Variants in FGD5 observed in about 807,000 individuals in gnomAD.
FGD5 encodes FYVE, RhoGEF and PH domain containing 5, also known as FYVE, RhoGEF and PH domain-containing protein 5.
FGD5 carries 28 observed loss-of-function variants against 133.4 expected under a neutral mutation model. The observed-to-expected ratio is 0.21, with a 90% CI of 0.16 to 0.29. The LOEUF (loss-of-function observed/expected upper bound fraction) is 0.29. FGD5 is among the 10% of genes least tolerant of loss of function. The pLI is 1.00. For missense variants in FGD5, 1,858 were observed against 1,895.2 expected (o/e 0.98, Z 0.36); for synonymous variants, 810 against 776.5 (o/e 1.04, Z -0.72).
chr3:14,812,193 C>G (rs2036306109), intron 1 of FGD5, among the ~76,000 whole-genome samples: 1 of 152,142 alleles, frequency 6.6e-6, no homozygotes, highest in South Asian at 2.1e-4. Flanking sequence ...CATACAGGCC[C>G]CTGGACAGTT....
chr3:14,850,112 G>A (rs1435811112), intron 1 of FGD5, among the ~76,000 whole-genome samples: 1 of 152,200 alleles, frequency 6.6e-6, no homozygotes, highest in Admixed American at 6.5e-5. Flanking sequence ...TGACTCCCCG[G>A]CCCTTCCTGC....
At chr3:14,881,642 C>G (rs1440398323) in intron 4 of FGD5, among the ~76,000 whole-genome samples, 1 of 152,248 alleles carries the variant, frequency 6.6e-6, no homozygotes, top group East Asian at 1.9e-4. Context: ...CATTTGCACT[C>G]TTGCCATGGT....
chr3:14,918,788 C>T lies in FGD5; in HGVS notation c.3524C>T (p.Ala1175Val). 1 of 1,614,016 alleles carries T rather than the reference C, an allele frequency of 6.2e-7. No individual in the cohort carries two copies. The highest frequency in any genetic ancestry group is 8.5e-7 in the Non-Finnish European group (1 of 1,179,906). Residue 1175 changes from alanine to valine, a missense_variant, in exon 13 of 20, where the codon GCT becomes GTT. This residue lies in a region of FGD5 where 1,824 missense variants were observed against 1,848.9 expected (regional missense o/e 0.99). Coordinates refer to ENST00000285046, the MANE Select transcript of FGD5 (RefSeq NM_152536.4). ...CCTGTGATGGAGAAAGTGCCCTACG[C>T]TCTAAAGATTGAGACTTCCGAGTCC... ...SRPVMEKVPY[A>V]LKIETSESCL...
At chr3:14,881,304 G>C (rs753818161) in intron 4 of FGD5, among the ~76,000 whole-genome samples, 3 of 53,296 alleles carry the variant, frequency 5.6e-5, no homozygotes, top group Non-Finnish European at 1.1e-4. Context: ...GACAGGCACT[G>C]CTCCCCTTCG....
chr3:14,880,790 A>G lies in FGD5; in HGVS notation c.2748+18A>G. Reference sequence around the variant, plus strand: ...TAAATCTGGTGAGTTAATCATTTTAATTGTCCAAAACTAATTGCCCTTTTA... The same window carrying G: ...TAAATCTGGTGAGTTAATCATTTTAGTTGTCCAAAACTAATTGCCCTTTTA... On this transcript the variant is annotated intron_variant, in intron 4 of 19. Coordinates refer to ENST00000285046, the MANE Select transcript of FGD5 (RefSeq NM_152536.4). 1 of 1,612,654 alleles carries G rather than the reference A, an allele frequency of 6.2e-7. No homozygotes were observed. The highest frequency in any genetic ancestry group is 8.5e-7 in the Non-Finnish European group (1 of 1,179,326).
chr3:14,919,390 G>T (rs371589841), intron 13 of FGD5, among the ~76,000 whole-genome samples: 2 of 152,108 alleles, frequency 1.3e-5, no homozygotes, highest in Admixed American at 6.5e-5. Flanking sequence ...AGGCCGAGGC[G>T]GATGGATCAC....
intron 16 of FGD5, among the ~76,000 whole-genome samples, chr3:14,923,789 T>C (rs2038733528): frequency 6.6e-6 from 1 of 152,046 alleles, no homozygotes; most frequent in African/African-American, 2.4e-5. Context: ...GGCCTGGAGG[T>C]GAAGGGCTGT....
rs2036484393 is a variant in FGD5, at chr3:14,820,925, T to C, written c.1854T>C (p.Pro618=). Residue 618 remains proline, a synonymous_variant, in exon 1 of 20, where the codon CCT becomes CCC. Coordinates refer to ENST00000285046, the MANE Select transcript of FGD5 (RefSeq NM_152536.4). The part of the protein sequence containing the change: ...TPSSMVDIPP[P]FDLACITKKP... ...CTTCCATGGTCGACATCCCACCTCC[T>C]TTCGACCTGGCCTGCATCACCAAGA... is the stretch of plus-strand genomic sequence containing the variant. The C allele has an allele frequency of 2.5e-6, 4 of 1,613,692 alleles. No homozygotes were observed. Among genetic ancestry groups the C allele is most frequent in the Non-Finnish European group, 8.5e-7 (1 of 1,179,870 alleles).
intron 18 of FGD5, chr3:14,931,161 A>G (rs1447268609): frequency 6.6e-6 from 1 of 152,206 alleles, no homozygotes; most frequent in Non-Finnish European, 1.5e-5. Flanking sequence ...ATTAAGTATG[A>G]TGTTAGCTGT....
chr3:14,858,703 G>T (rs931632808), intron 1 of FGD5, among the ~76,000 whole-genome samples: 2 of 152,198 alleles, frequency 1.3e-5, no homozygotes, highest in African/African-American at 4.8e-5. Flanking sequence ...ACTGAGCAGA[G>T]TACTCATCTC....
chr3:14,925,217 A>C (rs1018485087), intron 17 of FGD5, among the ~76,000 whole-genome samples: 1 of 151,868 alleles, frequency 6.6e-6, no homozygotes, highest in Non-Finnish European at 1.5e-5. Flanking sequence ...AGCCTCCCTC[A>C]ATCCCACTGC....
chr3:14,860,572 A>G (rs569615354), intron 1 of FGD5, among the ~76,000 whole-genome samples: 1 of 152,348 alleles, frequency 6.6e-6, no homozygotes, highest in South Asian at 2.1e-4. Flanking sequence ...TGAATTGAGG[A>G]TCAGAAGTAA....
At position 14,819,495 on chromosome 3, in the gene FGD5, G is replaced by C. The variant is rs968367498; in HGVS notation, c.424G>C (p.Ala142Pro). 61 of 1,551,454 alleles carry C rather than the reference G, an allele frequency of 3.9e-5. 1 individual carries two copies. Among genetic ancestry groups the C allele is most frequent in the Non-Finnish European group, 4.9e-5 (56 of 1,146,988 alleles). ...GGAGGGTGAGGAAGGCACAGACCTT[G>C]CTCTTGAGGATGAAGGGGAGGGCTG... ...SREGEEGTDL[A>P]LEDEGEGCAD... The change falls in exon 1 of 20, where the codon GCT becomes CCT. Residue 142 changes from alanine (A) to proline (P), a missense_variant. By Grantham distance (27) the Ala-to-Pro change is conservative. This residue lies in a region of FGD5 where 1,824 missense variants were observed against 1,848.9 expected (regional missense o/e 0.99). Coordinates refer to ENST00000285046, the MANE Select transcript of FGD5 (RefSeq NM_152536.4). The surrounding 1 kb of genome is among the most constrained non-coding windows in gnomAD (Gnocchi z 4.1).
intron 10 of FGD5, among the ~76,000 whole-genome samples, chr3:14,910,197 C>T (rs1389983641): frequency 1.3e-5 from 2 of 152,196 alleles, no homozygotes; most frequent in East Asian, 3.8e-4. Flanking sequence ...GAATGTAATA[C>T]AGAGCATGGT....
chr3:14,914,722 G>A (rs971565369), intron 11 of FGD5, among the ~76,000 whole-genome samples: 3 of 152,200 alleles, frequency 2.0e-5, no homozygotes, highest in African/African-American at 7.2e-5. Context: ...CATACCCCTG[G>A]CTCCACTACC....
intron 1 of FGD5, among the ~76,000 whole-genome samples, chr3:14,846,137 G>A (rs909549064): frequency 3.5e-4 from 53 of 152,196 alleles, no homozygotes; most frequent in African/African-American, 1.0e-3. Context: ...GGGCACACCT[G>A]TCGTGTTAAT....
At chr3:14,848,219 G>A (rs1004688828) in intron 1 of FGD5, among the ~76,000 whole-genome samples, 6 of 152,148 alleles carry the variant, frequency 3.9e-5, no homozygotes, top group African/African-American at 1.2e-4. Context: ...GAGGCTTTTC[G>A]TTGTTGTGGG....
chr3:14,819,657 C>T lies in FGD5; in HGVS notation c.586C>T (p.Leu196=). ...GEGVFQSDLL[L]PHIHGEDQEP... is the part of the protein sequence containing the mutation. Reference sequence around the variant, plus strand: ...GGGGGTCTTCCAGAGCGACCTCCTCCTGCCTCACATCCATGGAGAGGACCA... The same window carrying T: ...GGGGGTCTTCCAGAGCGACCTCCTCTTGCCTCACATCCATGGAGAGGACCA... The change falls in exon 1 of 20, where the codon CTG becomes TTG. Residue 196 remains leucine (L), a synonymous_variant. Transcript: ENST00000285046. This position sits in a 1 kb window ranked among gnomAD's most constrained non-coding sequence, Gnocchi z 4.1. 3 of 1,548,720 alleles carry T rather than the reference C, an allele frequency of 1.9e-6. No homozygotes were observed. Among genetic ancestry groups the T allele is most frequent in the African/African-American group, 2.7e-5 (2 of 73,110 alleles).
Position 14,820,687 on chromosome 3 carries a change from C to T in FGD5, c.1616C>T (p.Ala539Val). Residue 539 changes from alanine (A) to valine (V), a missense_variant, in exon 1 of 20, where the codon GCA (alanine) becomes GTA (valine). By Grantham distance (64) the Ala-to-Val change is moderately conservative (BLOSUM62 0). Around this residue, in one of 3 missense-constraint regions of FGD5, gnomAD observed 1,824 missense variants for 1,848.9 expected, o/e 0.99. Coordinates refer to ENST00000285046, the MANE Select transcript of FGD5 (RefSeq NM_152536.4). The stretch of plus-strand genomic sequence containing the variant: ...TTGGAAGCCAGCAGGGCCTTGCCAG[C>T]AAAGCCCAGGGCCTTTACTTTATAC... ...KPLEASRALPAKPRAFTLYPR... is the reference protein window; with the variant it reads ...KPLEASRALPVKPRAFTLYPR... 1 of 1,590,212 alleles carries T rather than the reference C, an allele frequency of 6.3e-7. No homozygotes were observed. Among genetic ancestry groups the T allele is most frequent in the Non-Finnish European group, 8.5e-7 (1 of 1,170,454 alleles).
Sources: allele counts gnomAD v4.1 joint callset (sites outside exome capture counted in the v4.1 genomes callset), GRCh38; gene constraint gnomAD v4.1.1; regional missense constraint gnomAD v4.1.1; non-coding constraint Gnocchi (gnomAD v3.1); transcripts MANE v1.5; gene names NCBI Gene and HGNC (gene_info 2026-07-23, HGNC 2026-07-21).